NCOR2: variants seen among roughly 807,000 people sequenced by gnomAD.
NCOR2 encodes the protein CTG repeat protein 26.
NCOR2 carries 81 observed loss-of-function variants against 262.9 expected under a neutral mutation model. That is an observed-to-expected ratio of 0.31 (90% CI 0.26 to 0.37). The LOEUF is 0.37. NCOR2 is among the 10% of genes least tolerant of loss of function. The probability of loss-of-function intolerance (pLI) is 1.00; values close to 1 mark genes in which losing one functional copy is unlikely to be tolerated. For synonymous variants in NCOR2, 1,659 were observed against 1,559.3 expected, an observed-to-expected ratio of 1.06 and a Z score of -1.51; for missense variants, 3,385 against 3,621.4, an observed-to-expected ratio of 0.93 and a Z score of 1.68.
rs373136424 is a variant in NCOR2 at position 124,356,595 on chromosome 12, G to A, written c.3241+47C>T. On this transcript the variant is annotated intron_variant, in intron 23 of 46. Transcript: ENST00000405201. ...AGCCAGTGCAAACAGTGCAAACAGC[G>A]ATTGTGCACTGGCTGAAGAAGCCCA... 1.3e-4 allele frequency: 179 copies of A among 1,389,718 alleles called. No homozygotes were observed. In the African/African-American group the frequency reaches 2.1e-3, roughly 17 times the overall value. The allele number at this position is 1,389,718 out of a possible 1,614,324, so 86.1% of individuals were successfully genotyped here. A position where few individuals can be genotyped will look rare whatever the true frequency, so the allele number is the denominator to read the frequency against.
chr12:124,432,049 G>GCAGGCAGA lies in NCOR2; in HGVS notation c.883-1270_883-1263dup, dbSNP rs1378149701. 6.9e-6 allele frequency among the ~76,000 whole-genome samples: 1 copy of GCAGGCAGA among 145,312 alleles called. No individual in the cohort carries two copies. The highest frequency in any genetic ancestry group is 1.5e-5 in the Non-Finnish European group (1 of 66,132). Reference sequence around the variant, plus strand: ...CACACACAGTCCATCACACAGGCAGGCAGGCAGACACACAGGCGGTCACAC... The same window carrying GCAGGCAGA: ...CACACACAGTCCATCACACAGGCAGGCAGGCAGACAGGCAGACACACAGGCGGTCACAC... On this transcript the variant is annotated intron_variant, in intron 8 of 46. Transcript: ENST00000405201. This position sits in a 1 kb window ranked among gnomAD's most constrained non-coding sequence, Gnocchi z 5.1.
intron 24 of NCOR2, 182 bp from the exon 27 acceptor site, chr12:124,355,121 G>T: frequency 1.6e-6 from 1 of 627,200 alleles, no homozygotes. Flanking sequence ...CTGTGAAGGG[G>T]CCATGCCCTC....
intron 41 of NCOR2, among the ~76,000 whole-genome samples, chr12:124,334,077 C>T (rs933876955): frequency 2.7e-5 from 4 of 147,574 alleles, no homozygotes; most frequent in African/African-American, 7.3e-5. Context: ...CCCCCTCTGT[C>T]ACCTACTGAC....
intron 1 of NCOR2, among the ~76,000 whole-genome samples, chr12:124,555,210 C>T (rs1472674374): frequency 2.0e-5 from 3 of 152,208 alleles, no homozygotes; most frequent in Non-Finnish European, 4.4e-5. Flanking sequence ...TGGTGCCAAG[C>T]GAGCTTGCCT....
rs529230700 is a variant in NCOR2 at position 124,531,087 on chromosome 12, G to A, written c.-118+4478C>T. On this transcript the variant is annotated intron_variant, in intron 1 of 46. Transcript: ENST00000404621. This position sits in a 1 kb window ranked among gnomAD's most constrained non-coding sequence, Gnocchi z 4.5. ...TCTCCCAGGGAAGCAGGGACAAAAG[G>A]ATGGGGCCCTGTGGGGATGGCTGGC... Among the ~76,000 whole-genome samples the A allele has an allele frequency of 5.4e-4, 83 of 152,378 alleles. No homozygotes were observed. Among genetic ancestry groups the A allele is most frequent in the Non-Finnish European group, 1.1e-3 (76 of 68,042 alleles).
chr12:124,347,856 C>T (rs2037075250), exon 30 of NCOR2: 4 of 1,568,370 alleles, frequency 2.6e-6, no homozygotes, highest in Non-Finnish European at 3.5e-6. Flanking sequence ...TGTGGTGCTG[C>T]TCTTTGAGGT....
rs1362164983 is a variant in NCOR2 at position 124,517,686 on chromosome 12, C to G, written c.-118+17879G>C. Among the ~76,000 whole-genome samples the G allele has an allele frequency of 6.6e-6, 1 of 152,138 alleles. No homozygotes were observed. Among genetic ancestry groups the G allele is most frequent in the Admixed American group, 6.5e-5 (1 of 15,290 alleles). ...CTGAGCCCCCAAGGCTCGCCATGCT[C>G]CCCCCCAGGGACGCCGGATGTGCAC... On this transcript the variant is annotated intron_variant, in intron 1 of 46. Coordinates refer to the NCOR2 transcript ENST00000404621. The surrounding 1 kb of genome is among the most constrained non-coding windows in gnomAD (Gnocchi z 7.6).
At chr12:124,565,307 G>A (rs1422749641) in intron 1 of NCOR2, among the ~76,000 whole-genome samples, 1 of 152,144 alleles carries the variant, frequency 6.6e-6, no homozygotes, top group African/African-American at 2.4e-5. Context: ...GGCGGTGGCA[G>A]CAGTGAATTT....
intron 4 of NCOR2, among the ~76,000 whole-genome samples, chr12:124,472,512 A>G (rs1007694436): frequency 2.0e-5 from 3 of 152,174 alleles, no homozygotes; most frequent in Non-Finnish European, 2.9e-5. Flanking sequence ...ACAGATAAGG[A>G]AAGTGAAGCA....
chr12:124,389,340 C>T lies in NCOR2; in HGVS notation c.1877-3453G>A, dbSNP rs1468381382. Among the ~76,000 whole-genome samples, 7 of 150,842 alleles carry T rather than the reference C, an allele frequency of 4.6e-5. No homozygotes were observed. Among genetic ancestry groups the T allele is most frequent in the Non-Finnish European group, 5.9e-5 (4 of 67,688 alleles). ...GGCAGGACTGAATGTGACCTCCAGA[C>T]GGAGGCTCGCGGCGGGCGGGCAGGC... On this transcript the variant is annotated intron_variant, in intron 16 of 46. Coordinates refer to ENST00000405201, the Ensembl canonical transcript of NCOR2. The surrounding 1 kb of genome is among the most constrained non-coding windows in gnomAD (Gnocchi z 4.4).
chr12:124,418,073 A>C (rs1848316092), intron 13 of NCOR2, among the ~76,000 whole-genome samples: 1 of 151,998 alleles, frequency 6.6e-6, no homozygotes, highest in African/African-American at 2.4e-5. Flanking sequence ...AAAAAAAAAA[A>C]AACAAATCCC....
intron 23 of NCOR2, among the ~76,000 whole-genome samples, chr12:124,355,871 C>T (rs1368563453): frequency 6.6e-6 from 1 of 152,212 alleles, no homozygotes; most frequent in East Asian, 1.9e-4. Flanking sequence ...GTAGCCCCTT[C>T]CCCTTATAGG....
intron 4 of NCOR2, among the ~76,000 whole-genome samples, chr12:124,472,105 G>T (rs1008452065): frequency 3.3e-5 from 5 of 152,202 alleles, no homozygotes; most frequent in Admixed American, 1.3e-4. Flanking sequence ...AGGGTTGGGG[G>T]TGTGTGTTCC....
chr12:124,369,259 G>A (rs575864824), intron 20 of NCOR2, among the ~76,000 whole-genome samples: 5 of 152,300 alleles, frequency 3.3e-5, no homozygotes, highest in East Asian at 1.9e-4. Flanking sequence ...ATCTCTGGTC[G>A]TCTGCCAAGA....
chr12:124,348,256 G>A (rs764949752), exon 29 of NCOR2: 21 of 1,613,298 alleles, frequency 1.3e-5, no homozygotes, highest in Non-Finnish European at 1.7e-5. Flanking sequence ...CCGTCTCATG[G>A]GGGGGTCCTG....
chr12:124,378,518 C>G lies in NCOR2; in HGVS notation c.2020-134G>C, dbSNP rs56980753. 8.4e-4 allele frequency: 748 copies of G among 892,008 alleles called. 7 individuals are homozygous for G. In the East Asian group the frequency reaches 0.019, roughly 22 times the overall value. The allele number at this position is 892,008 out of a possible 1,614,324, so 55.3% of individuals were successfully genotyped here. ...TGTAGCAATGAGGGTGACCGTCCCC[C>G]TCACACCCCACCTCGGCAGCCAAGC... On this transcript the variant is annotated intron_variant, in intron 17 of 46. Coordinates refer to ENST00000405201, the Ensembl canonical transcript of NCOR2. This position sits in a 1 kb window ranked among gnomAD's most constrained non-coding sequence, Gnocchi z 4.2.
chr12:124,563,725 ACCTCAAAGAAATGCCAGGC>A (rs1311434878), intron 1 of NCOR2, among the ~76,000 whole-genome samples: 15 of 152,222 alleles, frequency 9.9e-5, no homozygotes, highest in Non-Finnish European at 8.8e-5. Flanking sequence ...ATAAAATGAG[ACCTCAAAGAAATGCCAGGC>A]CCTATCCTTC....
rs61744311 is a variant in NCOR2 at position 124,326,291 on chromosome 12, C to A, written c.7263G>T (p.Gly2421=). The change falls in exon 46 of 47, where the codon GGG becomes GGT. Residue 2421 remains glycine (G), a synonymous_variant. Coordinates refer to ENST00000405201, the Ensembl canonical transcript of NCOR2. The stretch of plus-strand genomic sequence containing the variant: ...CTGAGGAGACAGAGGGTGGCCGGTC[C>A]CCAGATGCCAGGCCCGGGGCCGGGG... The A allele has an allele frequency of 1.6e-3, 2,447 of 1,567,204 alleles. 35 individuals carry two copies. The African/African-American group carries it at 0.03, about 19-fold the overall frequency.
At chr12:124,506,953 G>A (rs181982143) in intron 1 of NCOR2, among the ~76,000 whole-genome samples, 22 of 152,324 alleles carry the variant, frequency 1.4e-4, no homozygotes, top group African/African-American at 5.1e-4. Flanking sequence ...GAGAGGCGGT[G>A]GGACCTGGGG....
Sources: allele counts gnomAD v4.1 joint callset (sites outside exome capture counted in the v4.1 genomes callset), GRCh38; gene constraint gnomAD v4.1.1; non-coding constraint Gnocchi (gnomAD v3.1); transcripts MANE v1.5; gene names NCBI Gene and HGNC (gene_info 2026-07-23, HGNC 2026-07-21).